TMEM278: variants seen among roughly 807,000 people sequenced by gnomAD.
The protein encoded by TMEM278 is transmembrane protein 88B.
chr1:1,426,141 G>A, the TMEM278 span: 15 of 1,409,760 alleles, frequency 1.1e-5, no homozygotes, highest in South Asian at 6.3e-5. Flanking sequence ...AGTGAGCAGG[G>A]GAGGGAGACG....
At chr1:1,427,474 C>T in the TMEM278 span, 567 of 163,168 alleles carry the variant, frequency 3.5e-3, no homozygotes, top group Admixed American at 5.0e-3. Context: ...GCCCAGCCCC[C>T]TCCCCTCCAT....
chr1:1,427,769 A>G, the TMEM278 span: 1 of 1,349,442 alleles, frequency 7.4e-7, no homozygotes, highest in East Asian at 3.4e-5. Flanking sequence ...AGGACGAGCA[A>G]CTCTGCGCCT....
the TMEM278 span, chr1:1,425,983 C>A: frequency 4.8e-6 from 6 of 1,239,068 alleles, no homozygotes; most frequent in Middle Eastern, 3.1e-4. Context: ...CAGGGCAGGA[C>A]CTCCCTAGCC....
At chr1:1,427,541 G>A in the TMEM278 span, 4 of 244,980 alleles carry the variant, frequency 1.6e-5, no homozygotes, top group East Asian at 2.1e-3. Context: ...CTGACGGCCC[G>A]CCCGGCCCCC....
chr1:1,426,345 C>A, the TMEM278 span: 1 of 1,440,618 alleles, frequency 6.9e-7, no homozygotes. Context: ...CTCCTGCCCG[C>A]GGCCGCCGTC....
At chr1:1,428,477 C>T in the TMEM278 span, among the ~76,000 whole-genome samples, 8 of 152,148 alleles carry the variant, frequency 5.3e-5, no homozygotes, top group African/African-American at 9.7e-5. Flanking sequence ...CTTTGGTGTT[C>T]CTTGGTCTCA....
chr1:1,426,156 AGGAGGAGGGG>A, the TMEM278 span: 1 of 1,412,586 alleles, frequency 7.1e-7, no homozygotes, highest in Non-Finnish European at 9.3e-7. Flanking sequence ...GAGACGGAGG[AGGAGGAGGGG>A]GGAGGTGGTG....
chr1:1,427,513 ACCCCG>A, the TMEM278 span: 2 of 414,554 alleles, frequency 4.8e-6, no homozygotes, highest in Non-Finnish European at 5.7e-6. Flanking sequence ...GCCCTCCATT[ACCCCG>A]CCCCGCCCCC....
chr1:1,426,012 G>A, the TMEM278 span: 8 of 1,258,874 alleles, frequency 6.4e-6, no homozygotes, highest in Non-Finnish European at 7.0e-6. Context: ...CGGTCTGGCT[G>A]GGGGATGTGG....
At chr1:1,426,557 A>G in the TMEM278 span, among the ~76,000 whole-genome samples, 1 of 152,088 alleles carries the variant, frequency 6.6e-6, no homozygotes, top group Non-Finnish European at 1.5e-5. Context: ...CAGCCAAAGA[A>G]GAGCTTTTGT....
At chr1:1,429,449 T>C in the TMEM278 span, among the ~76,000 whole-genome samples, 1 of 152,224 alleles carries the variant, frequency 6.6e-6, no homozygotes, top group Non-Finnish European at 1.5e-5. Flanking sequence ...GCTTTTTAGA[T>C]TACAGTTTCC....
chr1:1,427,816 G>A, the TMEM278 span: 2 of 1,374,108 alleles, frequency 1.5e-6, no homozygotes, highest in South Asian at 1.5e-5. Flanking sequence ...ACCCCGGGAG[G>A]CCTCCGAGCT....
At chr1:1,427,834 G>T in the TMEM278 span, 1 of 1,350,382 alleles carries the variant, frequency 7.4e-7, no homozygotes, top group South Asian at 1.5e-5. Flanking sequence ...GCTCGCGCGC[G>T]ACCCCATCGC....
the TMEM278 span, among the ~76,000 whole-genome samples, chr1:1,427,107 G>A: frequency 2.8e-4 from 30 of 108,868 alleles, no homozygotes; most frequent in Non-Finnish European, 4.3e-4. Context: ...TGCTCAGCCC[G>A]CCACGGCCCC....
chr1:1,427,672 G>T, the TMEM278 span: 1 of 1,334,494 alleles, frequency 7.5e-7, no homozygotes, highest in South Asian at 1.9e-5. Context: ...TCGGCCGTCC[G>T]CGCCCGCCTA....
the TMEM278 span, among the ~76,000 whole-genome samples, chr1:1,426,698 G>T: frequency 5.3e-5 from 8 of 152,164 alleles, no homozygotes; most frequent in East Asian, 9.7e-4. Flanking sequence ...TGAAAATGTC[G>T]TTGAAGTTTC....
At chr1:1,426,451 G>C in the TMEM278 span, 1 of 1,263,566 alleles carries the variant, frequency 7.9e-7, no homozygotes, top group African/African-American at 1.6e-5. Context: ...CCCTGGGTCT[G>C]AAGGCACTGT....
At chr1:1,427,328 G>A in the TMEM278 span, among the ~76,000 whole-genome samples, 2 of 66,998 alleles carry the variant, frequency 3.0e-5, no homozygotes, top group Non-Finnish European at 6.0e-5. Context: ...CCTCTCCTCC[G>A]CGCCTCCCCT....
At chr1:1,429,184 AAAC>A in the TMEM278 span, among the ~76,000 whole-genome samples, 1 of 151,094 alleles carries the variant, frequency 6.6e-6, no homozygotes, top group Non-Finnish European at 1.5e-5. Flanking sequence ...ACAAACAAAA[AAAC>A]AACAAAAAAA....
Sources: gnomAD v4.1 joint callset for allele counts (sites outside exome capture counted in the v4.1 genomes callset) on GRCh38, gnomAD v4.1.1 for gene constraint, MANE v1.5 for transcripts, NCBI Gene and HGNC (gene_info 2026-07-23, HGNC 2026-07-21) for gene names.